The following XPO4 variants were observed in gnomAD, a reference collection of about 807,000 sequenced individuals.
XPO4 encodes exportin-4.
In XPO4, 39 loss-of-function variants were observed where a neutral mutation model predicts 143.0. The ratio of observed to expected loss-of-function variants is 0.27; its 90% CI spans 0.21 to 0.36. The LOEUF is 0.36. Among genes scored for constraint, XPO4 ranks in the 10% least tolerant of loss-of-function variants. XPO4 has a pLI of 1.00. For missense variants in XPO4, 907 were observed against 1,348.0 expected (o/e 0.67, Z 5.12); for synonymous variants, 439 against 474.0 (o/e 0.93, Z 0.96).
intron 1 of XPO4, among the ~76,000 whole-genome samples, chr13:20,876,946 T>A (rs542573160): frequency 9.5e-4 from 145 of 152,298 alleles, no homozygotes; most frequent in African/African-American, 2.8e-3. Context: ...CCCTTATTTG[T>A]CCATGCCCAC....
intron 1 of XPO4, among the ~76,000 whole-genome samples, chr13:20,881,013 T>G (rs906981814): frequency 1.3e-5 from 2 of 151,602 alleles, no homozygotes; most frequent in African/African-American, 2.4e-5. Context: ...AGGATGAACT[T>G]TGAAAACATT....
At chr13:20,855,803 A>T in intron 3 of XPO4, 38 bp from the exon 4 acceptor site, 1 of 1,538,806 alleles carries the variant, frequency 6.5e-7, no homozygotes, top group South Asian at 1.3e-5. Context: ...AATTTACCTA[A>T]ATCTAATACA....
intron 4 of XPO4, among the ~76,000 whole-genome samples, chr13:20,845,192 A>T (rs1169465660): frequency 1.3e-5 from 2 of 152,196 alleles, no homozygotes; most frequent in Non-Finnish European, 2.9e-5. Context: ...GAGTAAACAT[A>T]AAGTTAAATT....
In XPO4 at chr13:20,808,472, GATC is replaced by G; in HGVS notation, c.1600_1602del (p.Asp534del). The G allele has an allele frequency of 3.8e-6, 6 of 1,573,046 alleles. No homozygotes were observed. Among genetic ancestry groups the G allele is most frequent in the Non-Finnish European group, 5.2e-6 (6 of 1,149,566 alleles). ...ATAAGCCAGTGAATATCTTCATAGA[GATC>G]ATCAAGCATTTTGTTGTCAACAGTG... On this transcript the variant is annotated inframe_deletion, in exon 12 of 23. Coordinates refer to ENST00000255305, the MANE Select transcript of XPO4 (RefSeq NM_022459.5).
intron 6 of XPO4, among the ~76,000 whole-genome samples, chr13:20,829,881 C>G (rs1483346124): frequency 6.6e-6 from 1 of 152,090 alleles, no homozygotes; most frequent in Non-Finnish European, 1.5e-5. Context: ...ACTATTAAAC[C>G]TAAACCAAAA....
chr13:20,890,594 T>C (rs2060502588), intron 1 of XPO4, among the ~76,000 whole-genome samples: 1 of 149,214 alleles, frequency 6.7e-6, no homozygotes, highest in Non-Finnish European at 1.5e-5. Flanking sequence ...AGCTCAGGAG[T>C]TCAAGACCAG....
At position 20,890,741 on chromosome 13, in the gene XPO4, G is replaced by A. The variant is rs1027250674; in HGVS notation, c.69+11929C>T. Among the ~76,000 whole-genome samples, 9 of 149,768 alleles carry A rather than the reference G, an allele frequency of 6.0e-5. No homozygotes were observed. The East Asian group carries it at 1.6e-3, about 27-fold the overall frequency. The stretch of plus-strand genomic sequence containing the variant: ...TTGAGCCTGGGAGGCAGAGGATGGC[G>A]TGAGCCGAGATTGCGCAACTGCACT... On this transcript the variant is annotated intron_variant, in intron 1 of 22. Coordinates refer to ENST00000255305, the MANE Select transcript of XPO4 (RefSeq NM_022459.5).
chr13:20,805,484 G>T (rs935083204), intron 13 of XPO4, among the ~76,000 whole-genome samples: 1 of 152,036 alleles, frequency 6.6e-6, no homozygotes, highest in African/African-American at 2.4e-5. Context: ...AGCAGGCCCA[G>T]GGCCTTTGCA....
At chr13:20,838,692 G>A (rs933210283) in intron 6 of XPO4, among the ~76,000 whole-genome samples, 1 of 151,046 alleles carries the variant, frequency 6.6e-6, no homozygotes, top group Non-Finnish European at 1.5e-5. Flanking sequence ...TGTGATGATA[G>A]ATCACTGCAA....
At chr13:20,845,718 T>C (rs2060023106) in intron 4 of XPO4, among the ~76,000 whole-genome samples, 1 of 152,234 alleles carries the variant, frequency 6.6e-6, no homozygotes, top group African/African-American at 2.4e-5. Flanking sequence ...CAATTAACAT[T>C]AGACAGATAC....
intron 4 of XPO4, among the ~76,000 whole-genome samples, chr13:20,854,096 T>C (rs191242259): frequency 6.6e-6 from 1 of 152,266 alleles, no homozygotes; most frequent in Admixed American, 6.5e-5. Context: ...GTAAATTACT[T>C]CTCAATAAAG....
At chr13:20,861,059 T>A (rs548884280) in intron 3 of XPO4, among the ~76,000 whole-genome samples, 3 of 152,280 alleles carry the variant, frequency 2.0e-5, no homozygotes, top group East Asian at 3.9e-4. Flanking sequence ...GCTCTAAAAT[T>A]AAAATTTTAT....
chr13:20,865,675 C>A, intron 2 of XPO4: 25 of 827,540 alleles, frequency 3.0e-5, no homozygotes, highest in South Asian at 5.6e-5. Context: ...ACATTCTGAC[C>A]AAAAAGTTTT....
intron 6 of XPO4, among the ~76,000 whole-genome samples, chr13:20,828,420 G>T (rs186984806): frequency 2.9e-4 from 44 of 152,232 alleles, no homozygotes; most frequent in African/African-American, 1.0e-3. Flanking sequence ...TTTGAGTAAA[G>T]TCTAAATCGT....
chr13:20,816,605 A>G (rs1400675226), intron 9 of XPO4, among the ~76,000 whole-genome samples: 5 of 152,242 alleles, frequency 3.3e-5, no homozygotes, highest in Non-Finnish European at 5.9e-5. Flanking sequence ...TAAATATGAT[A>G]TGGAACAATA....
intron 16 of XPO4, among the ~76,000 whole-genome samples, chr13:20,798,862 A>T (rs1182270700): frequency 6.6e-6 from 1 of 152,042 alleles, no homozygotes; most frequent in African/African-American, 2.4e-5. Context: ...TCTACTAAAA[A>T]AAACAAAAAT....
chr13:20,872,094 G>A (rs2060304380), intron 1 of XPO4, among the ~76,000 whole-genome samples: 1 of 152,068 alleles, frequency 6.6e-6, no homozygotes, highest in Non-Finnish European at 1.5e-5. Flanking sequence ...TTTAAAACTG[G>A]CAAATAGATT....
At chr13:20,882,125 AAAG>A (rs1467744908) in intron 1 of XPO4, among the ~76,000 whole-genome samples, 5 of 146,126 alleles carry the variant, frequency 3.4e-5, no homozygotes, top group African/African-American at 1.1e-4. Context: ...AAAAAAAAAA[AAAG>A]AAAGAAAGAA....
chr13:20,858,312 T>C (rs1344857787), intron 3 of XPO4, among the ~76,000 whole-genome samples: 1 of 152,188 alleles, frequency 6.6e-6, no homozygotes, highest in Non-Finnish European at 1.5e-5. Flanking sequence ...AATTGTTAGA[T>C]CATATAAATA....
Sources: allele counts gnomAD v4.1 joint callset (sites outside exome capture counted in the v4.1 genomes callset), GRCh38; gene constraint gnomAD v4.1.1; transcripts MANE v1.5; gene names NCBI Gene and HGNC (gene_info 2026-07-23, HGNC 2026-07-21).